The following TATDN2 variants were observed in gnomAD, a reference collection of about 807,000 sequenced individuals.
The protein encoded by TATDN2 is TatD DNase domain containing 2, also known as 3'-5' RNA nuclease TATDN2.
A neutral mutation model predicts 60.3 loss-of-function variants in TATDN2; 44 were observed. That is an observed-to-expected ratio of 0.73 (90% CI 0.57 to 0.94). The LOEUF is 0.94. Among genes scored for constraint, TATDN2 ranks in the 40% least tolerant of loss-of-function variants. The probability of loss-of-function intolerance (pLI) is 0.00; values close to 1 mark genes in which losing one functional copy is unlikely to be tolerated. For synonymous variants in TATDN2, 399 were observed against 355.8 expected (o/e 1.12, Z -1.37); for missense variants, 997 against 948.0 (o/e 1.05, Z -0.68).
At chr3:10,260,046 T>C (rs891546806) in intron 2 of TATDN2, 91 bp from the exon 3 acceptor site, 1 of 1,434,490 alleles carries the variant, frequency 7.0e-7, no homozygotes, top group Admixed American at 2.2e-5. Flanking sequence ...CTTTGACTGG[T>C]AGAACCACCA....
At chr3:10,255,692 A>C (rs1445957484) in intron 2 of TATDN2, among the ~76,000 whole-genome samples, 1 of 152,150 alleles carries the variant, frequency 6.6e-6, no homozygotes, top group East Asian at 1.9e-4. Context: ...CTGTAATCCC[A>C]GCACTTTGGG....
At chr3:10,271,787 T>TGCGGCCTCCACCTCCGCC (rs766447743) in intron 4 of TATDN2, among the ~76,000 whole-genome samples, 47 of 151,294 alleles carry the variant, frequency 3.1e-4, no homozygotes, top group Non-Finnish European at 5.0e-4. Flanking sequence ...CTCGGCTCAC[T>TGCGGCCTCCACCTCCGCC]GCGGCCTCCA....
intron 2 of TATDN2, among the ~76,000 whole-genome samples, chr3:10,252,412 C>T (rs535259467): frequency 6.6e-4 from 100 of 152,244 alleles, no homozygotes; most frequent in Admixed American, 1.4e-3. Context: ...CCCTGATTGT[C>T]CATCTCTAGG....
intron 2 of TATDN2, among the ~76,000 whole-genome samples, chr3:10,253,107 T>C (rs1698255817): frequency 6.6e-6 from 1 of 152,132 alleles, no homozygotes; most frequent in Admixed American, 6.5e-5. Flanking sequence ...TCCGCCTGCA[T>C]AGGCCTCCCA....
At position 10,257,294 on chromosome 3, in the gene TATDN2, T is replaced by TTATATA. The variant is rs3072531; in HGVS notation, c.415-2829_415-2824dup. 5.6e-3 allele frequency among the ~76,000 whole-genome samples: 750 copies of TTATATA among 133,590 alleles called. 11 individuals are homozygous for TTATATA. Among genetic ancestry groups the TTATATA allele is most frequent in the East Asian group, 0.026 (100 of 3,858 alleles). 87.6% of individuals were successfully genotyped at this position (133,590 alleles called of 152,430 possible). ...AGTGAGATTTTGCCTCAAAAAAAAA[T>TTATATA]TATATATATATATATATATGAATTC... On this transcript the variant is annotated intron_variant, in intron 2 of 7. Coordinates refer to ENST00000448281, the MANE Select transcript of TATDN2 (RefSeq NM_014760.4).
chr3:10,253,697 T>C (rs1261565228), intron 2 of TATDN2, among the ~76,000 whole-genome samples: 1 of 152,248 alleles, frequency 6.6e-6, no homozygotes, highest in Non-Finnish European at 1.5e-5. Context: ...ATCTATAGAC[T>C]ATCACATAAT....
Position 10,276,365 on chromosome 3 carries a change from T to G in TATDN2, c.1838T>G (p.Phe613Cys). ...TGTCGCTGTGTCCTCTCCTAGGTAT[T>G]TGAGAGACAGCTGCAGCTGGCTGTG... ...TTPVPEQHKV[F>C]ERQLQLAVSL... The change falls in exon 5 of 8, where the codon TTT becomes TGT. Residue 613 changes from phenylalanine to cysteine, a missense_variant. Phe to Cys is a radical substitution (Grantham distance 205, BLOSUM62 -2). Coordinates refer to ENST00000448281, the MANE Select transcript of TATDN2 (RefSeq NM_014760.4). 1 of 1,613,770 alleles carries G rather than the reference T, an allele frequency of 6.2e-7. No homozygotes were observed. The highest frequency in any genetic ancestry group is 8.5e-7 in the Non-Finnish European group (1 of 1,179,812).
intron 2 of TATDN2, among the ~76,000 whole-genome samples, chr3:10,250,703 G>A (rs1416771114): frequency 3.9e-5 from 6 of 152,146 alleles, no homozygotes; most frequent in Non-Finnish European, 5.9e-5. Flanking sequence ...TCTTGTGTGG[G>A]CACGTGGATT....
chr3:10,272,495 A>G (rs1476437621), intron 4 of TATDN2, among the ~76,000 whole-genome samples: 3 of 148,988 alleles, frequency 2.0e-5, no homozygotes, highest in Admixed American at 2.0e-4. Flanking sequence ...CTGGAGTGCA[A>G]TCGCATGATA....
Position 10,270,558 on chromosome 3 carries a change from TGAA to T in TATDN2, c.1378_1380del (p.Lys460del). The T allele has an allele frequency of 6.2e-7, 1 of 1,613,926 alleles. No homozygotes were observed. The highest frequency in any genetic ancestry group is 2.2e-5 in the East Asian group (1 of 44,880). On this transcript the variant is annotated inframe_deletion, in exon 4 of 8. Coordinates refer to ENST00000448281, the MANE Select transcript of TATDN2 (RefSeq NM_014760.4). Reference sequence around the variant, plus strand: ...TCCAGAAGCTCAGAAGAAAGAGAGGTGAAGGAGAAAAGAACATTCCAAGAGGAG... The same window carrying T: ...TCCAGAAGCTCAGAAGAAAGAGAGGTGGAGAAAAGAACATTCCAAGAGGAG...
At position 10,270,426 on chromosome 3, in the gene TATDN2, G is replaced by T. The variant is rs374867810; in HGVS notation, c.1244G>T (p.Arg415Leu). The change falls in exon 4 of 8, where the codon CGC (arginine) becomes CTC (leucine). Residue 415 changes from arginine to leucine, a missense_variant. By Grantham distance (102) the Arg-to-Leu change is moderately radical (BLOSUM62 -2). Coordinates refer to ENST00000448281, the MANE Select transcript of TATDN2 (RefSeq NM_014760.4). ...AAQVGKSSRS[R>L]MSDYSPNSTG... Reference sequence around the variant, plus strand: ...CAGGTTGGGAAGAGCAGCCGGAGCCGCATGAGTGATTATTCCCCCAACTCT... The same window carrying T: ...CAGGTTGGGAAGAGCAGCCGGAGCCTCATGAGTGATTATTCCCCCAACTCT... The T allele has an allele frequency of 3.1e-6, 5 of 1,614,052 alleles. No homozygotes were observed. In the African/African-American group the frequency reaches 4.0e-5, roughly 13 times the overall value.
In TATDN2 at chr3:10,270,338, T is replaced by G; in HGVS notation, c.1156T>G (p.Trp386Gly). Residue 386 changes from tryptophan (W) to glycine (G), a missense_variant, in exon 4 of 8, where the codon TGG (tryptophan) becomes GGG (glycine). Coordinates refer to ENST00000448281, the MANE Select transcript of TATDN2 (RefSeq NM_014760.4). ...SSPWCDYASY[W>G]TSSPKPSSYP... ...TCCTTGGTGTGACTACGCCAGCTAT[T>G]GGACCAGCAGCCCCAAGCCTTCTAG... The G allele has an allele frequency of 6.2e-7, 1 of 1,614,152 alleles. No homozygotes were observed. The highest frequency in any genetic ancestry group is 1.1e-5 in the South Asian group (1 of 91,086).
chr3:10,277,770 G>T (rs1015428876), intron 5 of TATDN2, among the ~76,000 whole-genome samples: 2 of 152,170 alleles, frequency 1.3e-5, no homozygotes, highest in Non-Finnish European at 2.9e-5. Context: ...CAACGAGGTG[G>T]TATTGCAGGA....
intron 2 of TATDN2, among the ~76,000 whole-genome samples, chr3:10,256,761 A>C (rs1481126164): frequency 6.6e-6 from 1 of 151,902 alleles, no homozygotes; most frequent in African/African-American, 2.4e-5. Flanking sequence ...AGCAGAGGGC[A>C]GGGGTGGAGA....
chr3:10,262,962 G>C (rs577369198), intron 3 of TATDN2, among the ~76,000 whole-genome samples: 1 of 151,888 alleles, frequency 6.6e-6, no homozygotes, highest in Non-Finnish European at 1.5e-5. Flanking sequence ...GTCCAGTGGC[G>C]TGATCTCAGC....
chr3:10,267,540 G>A (rs1007072520), intron 3 of TATDN2, among the ~76,000 whole-genome samples: 7 of 152,054 alleles, frequency 4.6e-5, no homozygotes, highest in East Asian at 1.9e-4. Flanking sequence ...AAGTCTCTTC[G>A]TCTCTATAGA....
At chr3:10,258,060 CTG>C (rs1239829170) in intron 2 of TATDN2, among the ~76,000 whole-genome samples, 1 of 150,004 alleles carries the variant, frequency 6.7e-6, no homozygotes, top group African/African-American at 2.5e-5. Context: ...CGGGGTTTCA[CTG>C]TGTTAGCCAG....
intron 3 of TATDN2, among the ~76,000 whole-genome samples, chr3:10,264,927 C>G (rs766210998): frequency 7.9e-5 from 12 of 151,320 alleles, no homozygotes; most frequent in Admixed American, 1.3e-4. Context: ...CTATCCGCCT[C>G]GGCCTCCCAA....
chr3:10,259,058 G>T (rs1001780210), intron 2 of TATDN2, among the ~76,000 whole-genome samples: 1 of 152,114 alleles, frequency 6.6e-6, no homozygotes, highest in African/African-American at 2.4e-5. Flanking sequence ...TTTTAGTAGA[G>T]ACAGAGTTTT....
Sources: allele counts gnomAD v4.1 joint callset (sites outside exome capture counted in the v4.1 genomes callset), GRCh38; gene constraint gnomAD v4.1.1; transcripts MANE v1.5; gene names NCBI Gene and HGNC (gene_info 2026-07-23, HGNC 2026-07-21).